PRKAG2: variants seen among roughly 807,000 people sequenced by gnomAD.
PRKAG2 encodes the protein protein kinase AMP-activated non-catalytic subunit gamma 2.
Under a neutral mutation model 69.6 loss-of-function variants are expected in PRKAG2, and 26 were observed. That is an observed-to-expected ratio of 0.37 (90% CI 0.27 to 0.52). The LOEUF is 0.52. Among genes scored for constraint, PRKAG2 ranks in the 20% least tolerant of loss-of-function variants. The probability of loss-of-function intolerance (pLI) is 0.90; values close to 1 mark genes in which losing one functional copy is unlikely to be tolerated. For synonymous variants in PRKAG2, 293 were observed against 285.0 expected (o/e 1.03, Z -0.28); for missense variants, 557 against 740.0 (o/e 0.75, Z 2.87).
Position 151,781,866 on chromosome 7 carries a change from C to T in PRKAG2, c.187-435G>A, listed in dbSNP as rs903416779. 3.9e-5 allele frequency among the ~76,000 whole-genome samples: 6 copies of T among 152,164 alleles called. No individual in the cohort carries two copies. The highest frequency in any genetic ancestry group is 1.4e-4 in the African/African-American group (6 of 41,438). On this transcript the variant is annotated intron_variant, in intron 2 of 15. Transcript: ENST00000287878. This position sits in a 1 kb window ranked among gnomAD's most constrained non-coding sequence, Gnocchi z 6.1. ...AAGATCCCTATGTTCCAGAACAGAG[C>T]GGGCCTGGAGCTCCATCCTGAGACC...
At chr7:151,604,257 T>C (rs1178890458) in intron 5 of PRKAG2, among the ~76,000 whole-genome samples, 1 of 152,222 alleles carries the variant, frequency 6.6e-6, no homozygotes, top group East Asian at 1.9e-4. Context: ...GCACACAGCC[T>C]CCAGGGCAGC....
At chr7:151,745,329 T>C (rs2074207533) in intron 3 of PRKAG2, among the ~76,000 whole-genome samples, 1 of 152,146 alleles carries the variant, frequency 6.6e-6, no homozygotes, top group African/African-American at 2.4e-5. Flanking sequence ...GGTTGCAAAA[T>C]ACTGTGTCAT....
At position 151,781,527 on chromosome 7, in the gene PRKAG2, C is replaced by A; in HGVS notation, c.187-96G>T. The A allele has an allele frequency of 2.8e-6, 4 of 1,433,420 alleles. No homozygotes were observed. The highest frequency in any genetic ancestry group is 3.8e-6 in the Non-Finnish European group (4 of 1,054,582). 88.8% of individuals were successfully genotyped at this position (1,433,420 alleles called of 1,614,324 possible). On this transcript the variant is annotated intron_variant, in intron 2 of 15. Transcript: ENST00000287878. The surrounding 1 kb of genome is among the most constrained non-coding windows in gnomAD (Gnocchi z 6.1). Reference sequence around the variant, plus strand: ...ACTTATCATTGTCCTCTCTCACATGCGGGCCCCCCATAGTACCCTCCCAGA... The same window carrying A: ...ACTTATCATTGTCCTCTCTCACATGAGGGCCCCCCATAGTACCCTCCCAGA...
At chr7:151,688,747 G>T (rs561662252) in intron 3 of PRKAG2, among the ~76,000 whole-genome samples, 11 of 152,154 alleles carry the variant, frequency 7.2e-5, no homozygotes, top group Non-Finnish European at 1.2e-4. Context: ...CAACTTTCTT[G>T]AATCTCAGGA....
In PRKAG2 at chr7:151,568,880, G is replaced by A. The variant is rs368737986; in HGVS notation, c.1107-38C>T. 92 of 1,611,484 alleles carry A rather than the reference G, an allele frequency of 5.7e-5. No homozygotes were observed. In the African/African-American group the frequency reaches 7.9e-4, roughly 14 times the overall value. On this transcript the variant is annotated intron_variant, in intron 10 of 15. Transcript: ENST00000287878. ...TCATTAAAGTTGTTAGGAGGCTTTC[G>A]AGAAAAATCAGAACACTTTGGACTA... is the stretch of plus-strand genomic sequence containing the variant.
At chr7:151,794,714 G>A (rs926649732) in intron 1 of PRKAG2, among the ~76,000 whole-genome samples, 12 of 152,258 alleles carry the variant, frequency 7.9e-5, no homozygotes, top group Non-Finnish European at 1.6e-4. Flanking sequence ...TATAATTAGA[G>A]AGCTGTCTTT....
chr7:151,559,837 G>A (rs1036875598), intron 15 of PRKAG2: 23 of 985,174 alleles, frequency 2.3e-5, no homozygotes, highest in Non-Finnish European at 2.7e-5. Flanking sequence ...GGGAGGTGGA[G>A]GGATGGGAAG....
intron 14 of PRKAG2, 105 bp from the exon 15 acceptor site, chr7:151,560,722 C>T: frequency 1.4e-6 from 2 of 1,426,898 alleles, no homozygotes; most frequent in Middle Eastern, 1.8e-4. Context: ...CAACACATCC[C>T]TCCAGCCTGG....
chr7:151,647,714 A>C (rs960425088), intron 4 of PRKAG2, among the ~76,000 whole-genome samples: 3 of 152,202 alleles, frequency 2.0e-5, no homozygotes, highest in Non-Finnish European at 4.4e-5. Flanking sequence ...GAGTGAAAGG[A>C]ATGGAATTGG....
chr7:151,700,159 G>C (rs941569619), intron 3 of PRKAG2, among the ~76,000 whole-genome samples: 1 of 152,240 alleles, frequency 6.6e-6, no homozygotes, highest in African/African-American at 2.4e-5. Context: ...AATCGGGGGT[G>C]ACGTTTAGCA....
At position 151,819,292 on chromosome 7, in the gene PRKAG2, TC is replaced by T. The variant is rs548691360; in HGVS notation, c.115-32752del. ...TCTGCCAGAGGGCAGCGCTGAGACT[TC>T]CTCTGAGCTACAAGAACAGGTTGGA... On this transcript the variant is annotated intron_variant, in intron 1 of 15. Transcript: ENST00000287878. Among the ~76,000 whole-genome samples the T allele has an allele frequency of 9.2e-5, 14 of 152,316 alleles. 1 individual carries two copies. In the South Asian group the frequency reaches 1.9e-3, roughly 20 times the overall value.
chr7:151,715,592 G>C (rs570833751), intron 3 of PRKAG2, among the ~76,000 whole-genome samples: 31 of 152,214 alleles, frequency 2.0e-4, no homozygotes, highest in Admixed American at 2.0e-3. Context: ...CTGACCTTGG[G>C]TAATCCACCT....
At chr7:151,691,047 A>G (rs1835582826) in intron 3 of PRKAG2, among the ~76,000 whole-genome samples, 1 of 152,200 alleles carries the variant, frequency 6.6e-6, no homozygotes, top group Non-Finnish European at 1.5e-5. Context: ...TGAAACAAGA[A>G]ACATGACAGA....
intron 13 of PRKAG2, 69 bp downstream of exon 13, chr7:151,565,277 T>TA (rs1805982653): frequency 1.2e-5 from 15 of 1,208,242 alleles, no homozygotes. Context: ...GATAAAAACA[T>TA]AAAAACACAT....
At chr7:151,858,441 C>T (rs6961830) in intron 1 of PRKAG2, among the ~76,000 whole-genome samples, 24,134 of 152,208 alleles carry the variant, frequency 0.16, 2,154 homozygotes, top group South Asian at 0.24. Context: ...GTGTCACTTT[C>T]GGTATCCAGG....
Position 151,650,964 on chromosome 7 carries a change from T to TTC in PRKAG2, c.685-18827_685-18826insGA, listed in dbSNP as rs1828397213. Among the ~76,000 whole-genome samples, 5 of 152,312 alleles carry TTC rather than the reference T, an allele frequency of 3.3e-5. No homozygotes were observed. The South Asian group carries it at 6.2e-4, about 19-fold the overall frequency. On this transcript the variant is annotated intron_variant, in intron 4 of 15. Transcript: ENST00000287878. ...CTTTTAAAACCCTGAAAAATTGTAG[T>TTC]TATTTGGACCTGGGTATTTGGTAGA...
chr7:151,765,263 G>C (rs944667398), intron 3 of PRKAG2, among the ~76,000 whole-genome samples: 1 of 152,198 alleles, frequency 6.6e-6, no homozygotes, highest in African/African-American at 2.4e-5. Flanking sequence ...AGAGGAAGCA[G>C]GCACGTCTTA....
Position 151,616,621 on chromosome 7 carries a change from C to T in PRKAG2, c.754+15448G>A, listed in dbSNP as rs114703368. Among the ~76,000 whole-genome samples, 712 of 152,314 alleles carry T rather than the reference C, an allele frequency of 4.7e-3. 5 individuals are homozygous for T. Among genetic ancestry groups the T allele is most frequent in the African/African-American group, 0.016 (682 of 41,580 alleles). ...CACTGCCCCGTGGCAGGCTGGTCCC[C>T]GCCCTGCAGGAGTGTTTGGACTGTG... On this transcript the variant is annotated intron_variant, in intron 5 of 15. Transcript: ENST00000287878.
chr7:151,872,288 G>T (rs527309009), intron 1 of PRKAG2, among the ~76,000 whole-genome samples: 2 of 152,166 alleles, frequency 1.3e-5, no homozygotes, highest in South Asian at 4.1e-4. Context: ...CTTACCCTGG[G>T]GGGGGGCTTT....
Sources: allele counts gnomAD v4.1 joint callset (sites outside exome capture counted in the v4.1 genomes callset), GRCh38; gene constraint gnomAD v4.1.1; non-coding constraint Gnocchi (gnomAD v3.1); transcripts MANE v1.5; gene names NCBI Gene and HGNC (gene_info 2026-07-23, HGNC 2026-07-21).